Variants in RBFOX1 observed in about 807,000 individuals in gnomAD.
The protein encoded by RBFOX1 is RNA binding fox-1 homolog 1, also known as RNA binding protein fox-1 homolog 1.
A neutral mutation model predicts 57.7 loss-of-function variants in RBFOX1; 8 were observed. The observed-to-expected ratio is 0.14, with a 90% confidence interval of 0.08 to 0.25. RBFOX1 has a LOEUF of 0.25. Among genes scored for constraint, RBFOX1 ranks in the 10% least tolerant of loss-of-function variants. RBFOX1 has a pLI of 1.00. For missense variants in RBFOX1, 611 were observed against 548.5 expected (o/e 1.11, Z -1.14); for synonymous variants, 326 against 222.4 (o/e 1.47, Z -4.15).
chr16:6,745,708 T>G (rs554507926), intron 3 of RBFOX1, among the ~76,000 whole-genome samples: 4 of 152,336 alleles, frequency 2.6e-5, no homozygotes, highest in African/African-American at 9.6e-5. Context: ...GAGGAAATAC[T>G]GGTGTTGCCC....
At chr16:5,357,049 A>G (rs1029766418) in intron 1 of RBFOX1, among the ~76,000 whole-genome samples, 1 of 152,206 alleles carries the variant, frequency 6.6e-6, no homozygotes, top group African/African-American at 2.4e-5. Context: ...CTTGCCCGTG[A>G]TGACACAGTT....
intron 3 of RBFOX1, among the ~76,000 whole-genome samples, chr16:6,817,862 G>A (rs1345081623): frequency 1.3e-5 from 2 of 152,124 alleles, no homozygotes; most frequent in Non-Finnish European, 2.9e-5. Flanking sequence ...TATCAGACAG[G>A]AGATCCCAAG....
chr16:7,335,977 A>T (rs991122038), intron 4 of RBFOX1, among the ~76,000 whole-genome samples: 7 of 152,244 alleles, frequency 4.6e-5, no homozygotes, highest in African/African-American at 1.2e-4. Flanking sequence ...TAAGAGTAGT[A>T]TTCCCAAGTG....
intron 3 of RBFOX1, among the ~76,000 whole-genome samples, chr16:6,792,127 G>A (rs190740812): frequency 2.6e-5 from 4 of 151,970 alleles, no homozygotes; most frequent in East Asian, 1.9e-4. Flanking sequence ...CACATAAATA[G>A]AAAAAAATTG....
intron 3 of RBFOX1, among the ~76,000 whole-genome samples, chr16:5,821,105 A>C (rs2055837002): frequency 6.6e-6 from 1 of 152,014 alleles, no homozygotes; most frequent in African/African-American, 2.4e-5. Context: ...CACCCCCATC[A>C]GGACCAAACT....
At chr16:6,707,024 C>G (rs912164794) in intron 3 of RBFOX1, among the ~76,000 whole-genome samples, 3 of 152,276 alleles carry the variant, frequency 2.0e-5, no homozygotes, top group East Asian at 1.9e-4. Flanking sequence ...AGTATATCAT[C>G]TCTAATGATC....
chr16:7,410,783 A>T (rs771973694), intron 4 of RBFOX1, among the ~76,000 whole-genome samples: 14 of 151,860 alleles, frequency 9.2e-5, no homozygotes, highest in Non-Finnish European at 1.3e-4. Flanking sequence ...CCTAATTCCC[A>T]CAGAGGGGCC....
At chr16:6,813,485 A>T (rs150754664) in intron 3 of RBFOX1, among the ~76,000 whole-genome samples, 1 of 152,014 alleles carries the variant, frequency 6.6e-6, no homozygotes, top group Non-Finnish European at 1.5e-5. Context: ...AGACAGGGCC[A>T]ATGGCTCTTT....
At position 6,231,155 on chromosome 16, in the gene RBFOX1, C is replaced by T. The variant is rs1284080723; in HGVS notation, c.-126-85840C>T. Among the ~76,000 whole-genome samples the T allele has an allele frequency of 3.3e-5, 5 of 151,788 alleles. No individual in the cohort carries two copies. The East Asian group carries it at 9.7e-4, about 29-fold the overall frequency. Reference sequence around the variant, plus strand: ...TGAAATCTGAATGTTGAGAAGGGTACAGTCAAGGAAAAGGAAGTCGGGGCT... The same window carrying T: ...TGAAATCTGAATGTTGAGAAGGGTATAGTCAAGGAAAAGGAAGTCGGGGCT... On this transcript the variant is annotated intron_variant, in intron 1 of 15. Coordinates refer to ENST00000550418, the MANE Select transcript of RBFOX1 (RefSeq NM_018723.4).
intron 2 of RBFOX1, among the ~76,000 whole-genome samples, chr16:5,470,281 G>A (rs934632925): frequency 6.6e-6 from 1 of 152,174 alleles, no homozygotes; most frequent in African/African-American, 2.4e-5. Context: ...GAAGGGGGTA[G>A]GAGATCGAGG....
In RBFOX1 at chr16:6,450,790, C is replaced by CAT. The variant is rs1202007078; in HGVS notation, c.-64+133742_-64+133743dup. On this transcript the variant is annotated intron_variant, in intron 2 of 15. Transcript: ENST00000550418. ...GTGTATATATATATATATATATATACATATATATATGTATATATATATATA... is the reference window on the plus strand; with the variant it reads ...GTGTATATATATATATATATATATACATATATATATATGTATATATATATATA... Among the ~76,000 whole-genome samples, 31 of 35,154 alleles carry CAT rather than the reference C, an allele frequency of 8.8e-4. 2 individuals carry two copies. The East Asian group carries it at 0.015, about 16-fold the overall frequency. The allele number at this position is 35,154 out of a possible 152,430, so 23.1% of individuals were successfully genotyped here.
chr16:5,412,263 G>A (rs1242415420), intron 1 of RBFOX1, among the ~76,000 whole-genome samples: 1 of 152,062 alleles, frequency 6.6e-6, no homozygotes, highest in East Asian at 1.9e-4. Flanking sequence ...TCATCTCTGA[G>A]TTAGGAACAC....
chr16:7,448,397 A>T (rs1567217328), intron 4 of RBFOX1, among the ~76,000 whole-genome samples: 1 of 152,182 alleles, frequency 6.6e-6, no homozygotes, highest in Non-Finnish European at 1.5e-5. Context: ...GAGACCTCAC[A>T]ATCATGGTGG....
At chr16:5,555,764 G>C (rs1037995123) in intron 2 of RBFOX1, among the ~76,000 whole-genome samples, 2 of 150,282 alleles carry the variant, frequency 1.3e-5, no homozygotes, top group Non-Finnish European at 3.0e-5. Flanking sequence ...GCTCATGCCT[G>C]TAATCCCAGC....
chr16:5,798,804 G>A (rs150302433), intron 3 of RBFOX1, among the ~76,000 whole-genome samples: 109 of 152,294 alleles, frequency 7.2e-4, no homozygotes, highest in African/African-American at 2.6e-3. Flanking sequence ...GAGCTGTGAG[G>A]TTCCTCCCAG....
chr16:6,856,042 G>A (rs1461843475), intron 3 of RBFOX1, among the ~76,000 whole-genome samples: 1 of 151,814 alleles, frequency 6.6e-6, no homozygotes, highest in Non-Finnish European at 1.5e-5. Flanking sequence ...GGTGCTCATG[G>A]TATATGTCTC....
At chr16:5,794,897 A>T (rs2054824688) in intron 3 of RBFOX1, among the ~76,000 whole-genome samples, 1 of 152,088 alleles carries the variant, frequency 6.6e-6, no homozygotes, top group Admixed American at 6.5e-5. Context: ...AAGCTACCCC[A>T]TCACATGGGA....
At chr16:7,119,350 A>C (rs965695594) in intron 4 of RBFOX1, among the ~76,000 whole-genome samples, 1 of 152,132 alleles carries the variant, frequency 6.6e-6, no homozygotes, top group Non-Finnish European at 1.5e-5. Context: ...TGGAACACCT[A>C]CTCTGTGGTG....
At chr16:7,274,375 C>G (rs778984100) in intron 4 of RBFOX1, among the ~76,000 whole-genome samples, 4 of 152,124 alleles carry the variant, frequency 2.6e-5, no homozygotes, top group Non-Finnish European at 4.4e-5. Flanking sequence ...CTCAGAGATA[C>G]ACAATAAAGA....
Sources: gnomAD v4.1 joint callset for allele counts (sites outside exome capture counted in the v4.1 genomes callset) on GRCh38, gnomAD v4.1.1 for gene constraint, MANE v1.5 for transcripts, NCBI Gene and HGNC (gene_info 2026-07-23, HGNC 2026-07-21) for gene names.